The following RYR2 variants were observed in gnomAD, a reference collection of about 807,000 sequenced individuals.
RYR2 encodes cardiac muscle ryanodine receptor-calcium release channel.
A neutral mutation model predicts 601.1 loss-of-function variants in RYR2; 227 were observed. The ratio of observed to expected loss-of-function variants is 0.38; its 90% CI spans 0.34 to 0.42. The LOEUF (loss-of-function observed/expected upper bound fraction) is 0.42, where lower values mean the gene tolerates loss of function less well. Ranked by LOEUF, RYR2 falls within the 10% of genes least tolerant of loss-of-function variation. The probability of loss-of-function intolerance (pLI) is 1.00; values close to 1 mark genes in which losing one functional copy is unlikely to be tolerated. For synonymous variants in RYR2, 2,223 were observed against 2,175.1 expected (o/e 1.02, Z -0.61); for missense variants, 4,646 against 6,156.5 (o/e 0.75, Z 8.21).
At chr1:237,229,549 C>A (rs1223227158) in intron 1 of RYR2, among the ~76,000 whole-genome samples, 1 of 151,998 alleles carries the variant, frequency 6.6e-6, no homozygotes, top group Non-Finnish European at 1.5e-5. Context: ...GTTGGTGACC[C>A]GGAAGTGACC....
chr1:237,727,242 T>C, intron 76 of RYR2, 43 bp downstream of exon 76: 1 of 970,050 alleles, frequency 1.0e-6, no homozygotes, highest in Non-Finnish European at 1.5e-6. Context: ...ATGTTATTTT[T>C]TCCTAGTAAG....
intron 17 of RYR2, among the ~76,000 whole-genome samples, chr1:237,479,031 T>C (rs929918860): frequency 1.3e-5 from 2 of 152,236 alleles, no homozygotes; most frequent in Non-Finnish European, 2.9e-5. Flanking sequence ...GTAACCCACC[T>C]AGCCTCCCTT....
intron 1 of RYR2, among the ~76,000 whole-genome samples, chr1:237,134,169 C>G (rs1459107875): frequency 1.3e-5 from 2 of 152,140 alleles, no homozygotes; most frequent in Non-Finnish European, 2.9e-5. Flanking sequence ...CCTTGAAGTT[C>G]CTGGCACAGA....
intron 24 of RYR2, among the ~76,000 whole-genome samples, chr1:237,524,765 T>C (rs1342661097): frequency 1.3e-5 from 2 of 151,770 alleles, no homozygotes; most frequent in Non-Finnish European, 2.9e-5. Flanking sequence ...TAGAGAGAGA[T>C]TCCTTAAAGA....
At chr1:237,707,629 A>G (rs1688490576) in intron 68 of RYR2, among the ~76,000 whole-genome samples, 1 of 152,208 alleles carries the variant, frequency 6.6e-6, no homozygotes, top group Non-Finnish European at 1.5e-5. Flanking sequence ...GGGAGGGTAA[A>G]CCAAAAAAAT....
At chr1:237,591,979 G>C in intron 32 of RYR2, 126 bp downstream of exon 32, 3 of 761,084 alleles carry the variant, frequency 3.9e-6, no homozygotes, top group Non-Finnish European at 6.1e-6. Context: ...TCTGTTTTTG[G>C]ATATATTTTG....
At chr1:237,054,333 C>G (rs1321517671) in intron 1 of RYR2, among the ~76,000 whole-genome samples, 31 of 139,902 alleles carry the variant, frequency 2.2e-4, no homozygotes, top group Non-Finnish European at 4.8e-4. Context: ...CCTCCCCCCT[C>G]CCCCCCTCCC....
chr1:237,475,788 T>A (rs1324902224), intron 17 of RYR2, among the ~76,000 whole-genome samples: 1 of 152,232 alleles, frequency 6.6e-6, no homozygotes, highest in Non-Finnish European at 1.5e-5. Flanking sequence ...AGTCACTATG[T>A]ATACTAAGAG....
At chr1:237,123,304 G>A (rs1175532260) in intron 1 of RYR2, among the ~76,000 whole-genome samples, 1 of 152,120 alleles carries the variant, frequency 6.6e-6, no homozygotes. Flanking sequence ...ATACTGATGA[G>A]AGCTGAGTGC....
chr1:237,227,916 G>A (rs1253150281), intron 1 of RYR2, among the ~76,000 whole-genome samples: 1 of 151,860 alleles, frequency 6.6e-6, no homozygotes, highest in Non-Finnish European at 1.5e-5. Context: ...GAAGCTTGGT[G>A]GTGTTTTTGG....
intron 17 of RYR2, among the ~76,000 whole-genome samples, chr1:237,470,870 G>A (rs186563289): frequency 6.6e-6 from 1 of 151,894 alleles, no homozygotes; most frequent in African/African-American, 2.4e-5. Flanking sequence ...GAAAGAGAGA[G>A]GAAGAGATAG....
chr1:237,087,696 T>C (rs1666504203), intron 1 of RYR2, among the ~76,000 whole-genome samples: 1 of 152,136 alleles, frequency 6.6e-6, no homozygotes, highest in Non-Finnish European at 1.5e-5. Flanking sequence ...ATTTGAGATG[T>C]TGGCAGAATT....
At chr1:237,428,604 G>A (rs181678654) in intron 12 of RYR2, among the ~76,000 whole-genome samples, 4 of 149,368 alleles carry the variant, frequency 2.7e-5, no homozygotes, top group Non-Finnish European at 6.0e-5. Flanking sequence ...TCGGTGGGGC[G>A]GGGGTGCAAG....
At chr1:237,603,039 T>C (rs929753806) in intron 35 of RYR2, among the ~76,000 whole-genome samples, 1 of 152,194 alleles carries the variant, frequency 6.6e-6, no homozygotes, top group African/African-American at 2.4e-5. Context: ...GATGACATGA[T>C]GTGATTTCTG....
At chr1:237,599,443 TA>T (rs199597354) in intron 34 of RYR2, among the ~76,000 whole-genome samples, 4,691 of 152,166 alleles carry the variant, frequency 0.031, 131 homozygotes, top group Middle Eastern at 0.071. Flanking sequence ...AAAATCAGCA[TA>T]CAAAAATCAG....
At chr1:237,083,311 G>C (rs1665955863) in intron 1 of RYR2, among the ~76,000 whole-genome samples, 1 of 152,158 alleles carries the variant, frequency 6.6e-6, no homozygotes, top group Non-Finnish European at 1.5e-5. Context: ...CAGATGAAAA[G>C]CCCGTGGAAT....
chr1:237,653,762 CTG>C (rs1398579599), intron 51 of RYR2, among the ~76,000 whole-genome samples: 1 of 152,226 alleles, frequency 6.6e-6, no homozygotes, highest in African/African-American at 2.4e-5. Flanking sequence ...AGCCTTCAGT[CTG>C]TGGCCGAAGG....
intron 51 of RYR2, among the ~76,000 whole-genome samples, chr1:237,652,044 A>G (rs1682814066): frequency 2.0e-5 from 3 of 152,226 alleles, no homozygotes; most frequent in Admixed American, 2.0e-4. Context: ...AAAAAAAGAA[A>G]AAAAGGACCA....
At chr1:237,385,944 G>C (rs1701926639) in intron 8 of RYR2, among the ~76,000 whole-genome samples, 1 of 152,154 alleles carries the variant, frequency 6.6e-6, no homozygotes, top group Non-Finnish European at 1.5e-5. Flanking sequence ...AATATATTCT[G>C]CTTGTTTGTT....
Sources: gnomAD v4.1 joint callset for allele counts (sites outside exome capture counted in the v4.1 genomes callset) on GRCh38, gnomAD v4.1.1 for gene constraint, MANE v1.5 for transcripts, NCBI Gene and HGNC (gene_info 2026-07-23, HGNC 2026-07-21) for gene names.